Variants in MAST4 observed in about 807,000 individuals in gnomAD.
MAST4 encodes microtubule-associated serine/threonine-protein kinase 4.
MAST4 carries 89 observed loss-of-function variants against 162.7 expected under a neutral mutation model. The observed-to-expected ratio is 0.55, with a 90% CI of 0.46 to 0.65. The LOEUF (loss-of-function observed/expected upper bound fraction) is 0.65, where lower values mean the gene tolerates loss of function less well. MAST4 is among the 30% of genes least tolerant of loss of function. The pLI, the probability that MAST4 is intolerant of heterozygous loss-of-function variation, is 0.00. For missense variants in MAST4, 3,153 were observed against 3,374.0 expected, an observed-to-expected ratio of 0.93 and a Z score of 1.62; for synonymous variants, 1,479 against 1,361.1, an observed-to-expected ratio of 1.09 and a Z score of -1.91.
chr5:66,869,932 T>C (rs1179551325), intron 3 of MAST4, among the ~76,000 whole-genome samples: 1 of 152,186 alleles, frequency 6.6e-6, no homozygotes, highest in East Asian at 1.9e-4. Context: ...TTCTTAAGTT[T>C]GTTCACTGTT....
chr5:67,035,215 G>A (rs561944855), intron 4 of MAST4, among the ~76,000 whole-genome samples: 11 of 152,082 alleles, frequency 7.2e-5, no homozygotes, highest in African/African-American at 1.2e-4. Flanking sequence ...TTTGATTAGC[G>A]TTGCTGTGAC....
intron 1 of MAST4, among the ~76,000 whole-genome samples, chr5:66,755,982 C>T (rs922064841): frequency 1.1e-4 from 16 of 152,270 alleles, no homozygotes; most frequent in African/African-American, 3.9e-4. Flanking sequence ...GTATAGAATT[C>T]TGGTGATTGG....
At chr5:66,638,646 T>C (rs7725806) in intron 1 of MAST4, among the ~76,000 whole-genome samples, 2,522 of 152,232 alleles carry the variant, frequency 0.017, 64 homozygotes, top group African/African-American at 0.058. Flanking sequence ...GCAAACAAAA[T>C]TTATGGACAC....
rs185521444 is a variant in MAST4, at chr5:66,605,067, T to C, written c.363+8049T>C. On this transcript the variant is annotated intron_variant, in intron 1 of 28. Transcript: ENST00000403625. ...TTCAACAACTAATTTCACAAATTAG[T>C]TTATGAAATAAATTAGTTCCCTATA... Among the ~76,000 whole-genome samples, 63 of 152,328 alleles carry C rather than the reference T, an allele frequency of 4.1e-4. 1 individual carries two copies. The highest frequency in any genetic ancestry group is 7.8e-4 in the Admixed American group (12 of 15,298).
intron 2 of MAST4, among the ~76,000 whole-genome samples, chr5:66,782,070 C>T (rs1487622784): frequency 2.6e-5 from 4 of 152,050 alleles, no homozygotes; most frequent in Non-Finnish European, 5.9e-5. Flanking sequence ...GGGTGGATCA[C>T]TTGAGGTCAG....
At chr5:66,708,931 A>C (rs1375844788) in intron 1 of MAST4, among the ~76,000 whole-genome samples, 1 of 152,162 alleles carries the variant, frequency 6.6e-6, no homozygotes, top group African/African-American at 2.4e-5. Flanking sequence ...GTCGGTAATA[A>C]GAATTTTATA....
intron 18 of MAST4, among the ~76,000 whole-genome samples, chr5:67,135,966 T>TC (rs1769587684): frequency 6.6e-6 from 1 of 152,246 alleles, no homozygotes; most frequent in South Asian, 2.1e-4. Context: ...TTTAAATACT[T>TC]CCATTACTAT....
At chr5:66,914,780 ATATC>A (rs1459820894) in intron 4 of MAST4, among the ~76,000 whole-genome samples, 1 of 152,188 alleles carries the variant, frequency 6.6e-6, no homozygotes, top group East Asian at 1.9e-4. Context: ...ACATTTGACA[ATATC>A]TAGAGACCTT....
At chr5:67,097,078 A>T (rs554403571) in intron 7 of MAST4, among the ~76,000 whole-genome samples, 46 of 152,252 alleles carry the variant, frequency 3.0e-4, no homozygotes, top group Non-Finnish European at 5.3e-4. Context: ...CATTGCCTTC[A>T]GTCAAGTTTT....
At chr5:66,717,034 C>A (rs1264141522) in intron 1 of MAST4, among the ~76,000 whole-genome samples, 1 of 152,114 alleles carries the variant, frequency 6.6e-6, no homozygotes, top group Non-Finnish European at 1.5e-5. Flanking sequence ...TGATCCCAGG[C>A]GATGAGTATT....
Position 67,145,222 on chromosome 5 carries a change from G to C in MAST4, c.2937G>C (p.Leu979=), listed in dbSNP as rs764073359. 1.2e-5 allele frequency: 20 copies of C among 1,613,656 alleles called. No homozygotes were observed. In the East Asian group the frequency reaches 2.2e-4, roughly 18 times the overall value. ...TCAGTTCTGGCCTACTTCCCAAACTGGCTATTTCAACAGAGGGAGAGCAAG... is the reference window on the plus strand; with the variant it reads ...TCAGTTCTGGCCTACTTCCCAAACTCGCTATTTCAACAGAGGGAGAGCAAG... ...HKLSSGLLPK[L]AISTEGEQDE... Residue 979 remains leucine, a synonymous_variant, in exon 23 of 29, where the codon CTG becomes CTC. Transcript: ENST00000403625.
At chr5:66,700,290 G>A (rs1749681683) in intron 1 of MAST4, among the ~76,000 whole-genome samples, 1 of 152,098 alleles carries the variant, frequency 6.6e-6, no homozygotes, top group African/African-American at 2.4e-5. Context: ...ATGGAAAATT[G>A]TGATGGTTTA....
chr5:66,933,321 A>T (rs893907085), intron 4 of MAST4, among the ~76,000 whole-genome samples: 6 of 152,196 alleles, frequency 3.9e-5, no homozygotes, highest in Non-Finnish European at 8.8e-5. Flanking sequence ...GGAATTGCAG[A>T]TACATGCATT....
chr5:67,108,032 C>T (rs911041257), intron 10 of MAST4, among the ~76,000 whole-genome samples: 2 of 152,122 alleles, frequency 1.3e-5, no homozygotes, highest in Non-Finnish European at 2.9e-5. Flanking sequence ...GGCTTCTTCT[C>T]CCCACTTAAG....
chr5:67,026,175 G>A (rs1157307520), intron 4 of MAST4, among the ~76,000 whole-genome samples: 1 of 152,150 alleles, frequency 6.6e-6, no homozygotes, highest in Non-Finnish European at 1.5e-5. Context: ...AAGAGAAGTG[G>A]CGAGCAAAAT....
chr5:66,675,090 A>G (rs1326096594), intron 1 of MAST4, among the ~76,000 whole-genome samples: 1 of 152,154 alleles, frequency 6.6e-6, no homozygotes, highest in Non-Finnish European at 1.5e-5. Context: ...ATGCATTCTG[A>G]ACTGCCCTCG....
chr5:66,732,088 C>T (rs895180613), intron 1 of MAST4, among the ~76,000 whole-genome samples: 8 of 151,934 alleles, frequency 5.3e-5, no homozygotes, highest in Admixed American at 4.6e-4. Flanking sequence ...CATCTCTATC[C>T]AGTTCACTTC....
chr5:67,134,395 C>CT, intron 17 of MAST4, 128 bp from the exon 18 acceptor site: 1 of 621,198 alleles, frequency 1.6e-6, no homozygotes, highest in Non-Finnish European at 2.6e-6. Flanking sequence ...CTCTTAAGTT[C>CT]TTTGTCCATG....
At position 66,742,108 on chromosome 5, in the gene MAST4, T is replaced by C. The variant is rs1232180803; in HGVS notation, c.364-17601T>C. 6.6e-5 allele frequency among the ~76,000 whole-genome samples: 10 copies of C among 152,294 alleles called. No individual in the cohort carries two copies. In the East Asian group the frequency reaches 1.7e-3, roughly 26 times the overall value. On this transcript the variant is annotated intron_variant, in intron 1 of 28. Coordinates refer to ENST00000403625, the MANE Select transcript of MAST4 (RefSeq NM_001164664.2). ...TTGTCTCTTGTTTCCAGCCTTTCGA[T>C]CCACACGCCTTCATTGCAGAGCTGG... is the stretch of plus-strand genomic sequence containing the variant.
Sources: gnomAD v4.1 joint callset for allele counts (sites outside exome capture counted in the v4.1 genomes callset) on GRCh38, gnomAD v4.1.1 for gene constraint, MANE v1.5 for transcripts, NCBI Gene and HGNC (gene_info 2026-07-23, HGNC 2026-07-21) for gene names.